The following SDC4 variants were observed in gnomAD, a reference collection of about 807,000 sequenced individuals.
The protein encoded by SDC4 is syndecan 4, also known as syndecan-4.
SDC4 carries 17 observed loss-of-function variants against 20.5 expected under a neutral mutation model. The ratio of observed to expected loss-of-function variants is 0.83; its 90% CI spans 0.57 to 1.25. The LOEUF is 1.25. Ranked by LOEUF, SDC4 falls within the 50% of genes most tolerant of loss-of-function variation. The probability of loss-of-function intolerance (pLI) is 0.00; values close to 1 mark genes in which losing one functional copy is unlikely to be tolerated. For missense variants in SDC4, 241 were observed against 252.3 expected, an observed-to-expected ratio of 0.96 and a Z score of 0.30; for synonymous variants, 107 against 105.3, an observed-to-expected ratio of 1.02 and a Z score of -0.10.
chr20:45,328,260 C>G (rs961804669), intron 4 of SDC4, among the ~76,000 whole-genome samples: 2 of 152,196 alleles, frequency 1.3e-5, no homozygotes, highest in African/African-American at 4.8e-5. Flanking sequence ...CTGGTTTCCA[C>G]TCCTACCTCT....
intron 1 of SDC4, among the ~76,000 whole-genome samples, chr20:45,347,403 C>T (rs1400912799): frequency 6.6e-6 from 1 of 152,018 alleles, no homozygotes; most frequent in Non-Finnish European, 1.5e-5. Context: ...ATGAGATTGC[C>T]CCCCTCCTCC....
chr20:45,330,879 A>G (rs1158730523), intron 3 of SDC4, among the ~76,000 whole-genome samples: 1 of 152,210 alleles, frequency 6.6e-6, no homozygotes, highest in African/African-American at 2.4e-5. Flanking sequence ...AAAACCTTAG[A>G]CATCGCTTGC....
intron 1 of SDC4, among the ~76,000 whole-genome samples, chr20:45,339,684 G>A (rs1048722179): frequency 1.4e-4 from 21 of 152,304 alleles, no homozygotes; most frequent in African/African-American, 5.1e-4. Context: ...AGGTTGCAGT[G>A]AGCTACGATC....
intron 1 of SDC4, among the ~76,000 whole-genome samples, chr20:45,339,980 T>TC (rs1215184077): frequency 6.6e-6 from 1 of 152,168 alleles, no homozygotes. Context: ...GCCAAGGTCA[T>TC]CCAAGCAGCT....
At position 45,327,151 on chromosome 20, in the gene SDC4, G is replaced by T; in HGVS notation, c.*113C>A. The T allele has an allele frequency of 9.5e-7, 1 of 1,053,240 alleles. No homozygotes were observed. The highest frequency in any genetic ancestry group is 1.4e-6 in the Non-Finnish European group (1 of 700,130). 65.2% of individuals were successfully genotyped at this position (1,053,240 alleles called of 1,614,324 possible). On this transcript the variant is annotated 3_prime_UTR_variant, in exon 5 of 5. Transcript: ENST00000372733. Reference sequence around the variant, plus strand: ...AACACTTCAAAGGTAATCAGAGCTGGAGATACTGACAAGTCAGTATTAGGT... The same window carrying T: ...AACACTTCAAAGGTAATCAGAGCTGTAGATACTGACAAGTCAGTATTAGGT...
intron 1 of SDC4, among the ~76,000 whole-genome samples, chr20:45,343,796 G>C (rs552782727): frequency 1.3e-5 from 2 of 152,320 alleles, no homozygotes; most frequent in South Asian, 4.1e-4. Flanking sequence ...CTGTCACTAA[G>C]TAACACCTCC....
intron 1 of SDC4, 23 bp downstream of exon 1, chr20:45,348,302 C>T: frequency 6.4e-7 from 1 of 1,569,856 alleles, no homozygotes; most frequent in South Asian, 1.2e-5. Context: ...TCGCCCCCAG[C>T]CCGGGAACCT....
At position 45,332,934 on chromosome 20, in the gene SDC4, C is replaced by G. The variant is rs186093283; in HGVS notation, c.246+89G>C. The G allele has an allele frequency of 1.2e-5, 15 of 1,263,856 alleles. No homozygotes were observed. The African/African-American group carries it at 1.5e-4, about 12-fold the overall frequency. 78.3% of individuals were successfully genotyped at this position (1,263,856 alleles called of 1,614,324 possible). A position where few individuals can be genotyped will look rare whatever the true frequency, so the allele number is the denominator to read the frequency against. ...AGTGGGGTAAGACCCCTCACTTATT[C>G]TGCCTATGGGGGCTGTATTTTCTGC... On this transcript the variant is annotated intron_variant, in intron 3 of 4. Transcript: ENST00000372733.
intron 1 of SDC4, among the ~76,000 whole-genome samples, chr20:45,338,574 T>C (rs1374653704): frequency 6.6e-6 from 1 of 152,156 alleles, no homozygotes; most frequent in African/African-American, 2.4e-5. Context: ...CTAAGAGGTA[T>C]TTCAAAACAA....
chr20:45,333,676 TAAA>T (rs1439892273), intron 2 of SDC4, among the ~76,000 whole-genome samples: 16 of 152,194 alleles, frequency 1.1e-4, no homozygotes, highest in African/African-American at 3.9e-4. Context: ...CTCAAAAAAA[TAAA>T]TAAATAAATT....
chr20:45,335,289 C>T (rs1325994903), intron 2 of SDC4, among the ~76,000 whole-genome samples: 5 of 152,022 alleles, frequency 3.3e-5, no homozygotes, highest in Non-Finnish European at 7.4e-5. Flanking sequence ...GGGATCGTCC[C>T]ACCTCAGCCT....
chr20:45,335,964 T>C, intron 1 of SDC4, 44 bp from the exon 2 acceptor site: 1 of 1,592,844 alleles, frequency 6.3e-7, no homozygotes, highest in Admixed American at 1.7e-5. Context: ...TCCCCAGTGC[T>C]CCATGACAGC....
At chr20:45,333,699 C>G (rs1468146986) in intron 2 of SDC4, among the ~76,000 whole-genome samples, 1 of 152,096 alleles carries the variant, frequency 6.6e-6, no homozygotes, top group Non-Finnish European at 1.5e-5. Flanking sequence ...TCCCTCCATA[C>G]GTATTCCTAA....
At chr20:45,332,943 G>A in intron 3 of SDC4, 80 bp downstream of exon 3, 1 of 1,328,166 alleles carries the variant, frequency 7.5e-7, no homozygotes. Context: ...TCTGCCTATG[G>A]GGGCTGTATT....
chr20:45,328,172 T>C (rs1987723479), intron 4 of SDC4, among the ~76,000 whole-genome samples: 1 of 152,212 alleles, frequency 6.6e-6, no homozygotes, highest in Admixed American at 6.5e-5. Flanking sequence ...GGTATGTACA[T>C]TCAAAGTGCA....
intron 3 of SDC4, 63 bp from the exon 4 acceptor site, chr20:45,330,627 C>T: frequency 1.4e-6 from 2 of 1,381,322 alleles, no homozygotes; most frequent in South Asian, 1.2e-5. Flanking sequence ...GGGCAGGGGA[C>T]AGGGACATTC....
At chr20:45,341,681 A>G (rs1248706817) in intron 1 of SDC4, among the ~76,000 whole-genome samples, 1 of 152,190 alleles carries the variant, frequency 6.6e-6, no homozygotes, top group East Asian at 1.9e-4. Flanking sequence ...TGTCGCCTTC[A>G]AGGTCGGGTT....
intron 1 of SDC4, among the ~76,000 whole-genome samples, chr20:45,347,040 G>A (rs547528283): frequency 6.6e-6 from 1 of 152,248 alleles, no homozygotes; most frequent in African/African-American, 2.4e-5. Context: ...ATTGTTGTTG[G>A]AATTAAGCTC....
intron 4 of SDC4, among the ~76,000 whole-genome samples, chr20:45,329,235 T>C (rs1987740283): frequency 6.6e-6 from 1 of 152,184 alleles, no homozygotes; most frequent in Non-Finnish European, 1.5e-5. Flanking sequence ...AATTCTCAAA[T>C]GGAAGATTAA....
Sources: allele counts gnomAD v4.1 joint callset (sites outside exome capture counted in the v4.1 genomes callset), GRCh38; gene constraint gnomAD v4.1.1; transcripts MANE v1.5; gene names NCBI Gene and HGNC (gene_info 2026-07-23, HGNC 2026-07-21).